CEP135: variants seen among roughly 807,000 people sequenced by gnomAD.
CEP135 encodes the protein centrosomal protein of 135 kDa.
CEP135 carries 142 observed loss-of-function variants against 157.3 expected under a neutral mutation model. That is an observed-to-expected ratio of 0.90 (90% CI 0.79 to 1.04). The LOEUF is 1.04. Among genes scored for constraint, CEP135 ranks in the 50% least tolerant of loss-of-function variants. The pLI, the probability that CEP135 is intolerant of heterozygous loss-of-function variation, is 0.00. For missense variants in CEP135, 1,317 were observed against 1,309.2 expected (o/e 1.01, Z -0.09); for synonymous variants, 396 against 439.8 (o/e 0.90, Z 1.25).
intron 24 of CEP135, among the ~76,000 whole-genome samples, chr4:56,021,024 G>T (rs1730957647): frequency 6.6e-6 from 1 of 152,146 alleles, no homozygotes; most frequent in Admixed American, 6.6e-5. Context: ...GAATAAAATT[G>T]TTTAATAATC....
At chr4:56,009,045 T>C (rs76556993) in intron 18 of CEP135, among the ~76,000 whole-genome samples, 5,187 of 152,286 alleles carry the variant, frequency 0.034, 338 homozygotes, top group Admixed American at 0.16. Flanking sequence ...ACTGCAGGCG[T>C]GTGCCACCAC....
In CEP135 at chr4:56,008,435, C is replaced by T. The variant is rs28472737; in HGVS notation, c.2336+53C>T. On this transcript the variant is annotated intron_variant, in intron 18 of 25. Coordinates refer to ENST00000257287, the MANE Select transcript of CEP135 (RefSeq NM_025009.5). The stretch of plus-strand genomic sequence containing the variant: ...CTTTTTAGGAGATTTTCAGTGAATA[C>T]AGCTTTATCTATTCAGTAGCATTGC... The T allele has an allele frequency of 2.7e-3, 3,689 of 1,367,348 alleles. 84 individuals carry two copies. The African/African-American group carries it at 0.047, about 18-fold the overall frequency. The allele number at this position is 1,367,348 out of a possible 1,614,324, so 84.7% of individuals were successfully genotyped here.
intron 14 of CEP135, among the ~76,000 whole-genome samples, chr4:55,990,497 T>C (rs2109699246): frequency 6.6e-6 from 1 of 152,296 alleles, no homozygotes. Flanking sequence ...TCCCTACACT[T>C]ATTTATTTAT....
At chr4:56,018,796 A>G (rs1022877390) in intron 22 of CEP135, among the ~76,000 whole-genome samples, 1 of 152,184 alleles carries the variant, frequency 6.6e-6, no homozygotes, top group Admixed American at 6.5e-5. Context: ...AGGATTGAAC[A>G]GTTCAGTGCT....
At position 56,023,651 on chromosome 4, in the gene CEP135, TATA is replaced by T. The variant is rs1258978236; in HGVS notation, c.3321-846_3321-844del. ...ATAGTAATATGTAATATATAATACA[TATA>T]ATATATAATATACTAATATAATATA... On this transcript the variant is annotated intron_variant, in intron 24 of 25. Coordinates refer to ENST00000257287, the MANE Select transcript of CEP135 (RefSeq NM_025009.5). Among the ~76,000 whole-genome samples, 85 of 143,780 alleles carry T rather than the reference TATA, an allele frequency of 5.9e-4. 1 individual carries two copies. Among genetic ancestry groups the T allele is most frequent in the African/African-American group, 2.0e-3 (81 of 39,580 alleles). 94.3% of individuals were successfully genotyped at this position (143,780 alleles called of 152,430 possible). A position where few individuals can be genotyped will look rare whatever the true frequency, so the allele number is the denominator to read the frequency against.
At chr4:55,990,638 A>G (rs1163232092) in intron 14 of CEP135, among the ~76,000 whole-genome samples, 2 of 151,916 alleles carry the variant, frequency 1.3e-5, no homozygotes, top group East Asian at 3.9e-4. Flanking sequence ...AGCTAGGACT[A>G]CAGGTATACC....
intron 10 of CEP135, among the ~76,000 whole-genome samples, chr4:55,972,655 G>A (rs1729065459): frequency 6.6e-6 from 1 of 152,296 alleles, no homozygotes; most frequent in African/African-American, 2.4e-5. Flanking sequence ...CCTATCTGTG[G>A]GGCTAATGAT....
At chr4:55,980,042 G>A (rs1350489624) in intron 11 of CEP135, 101 bp from the exon 12 acceptor site, 1 of 979,756 alleles carries the variant, frequency 1.0e-6, no homozygotes, top group Admixed American at 2.4e-5. Context: ...AGGCACTTGT[G>A]TTCTTTTTGT....
At chr4:55,974,713 ATTATT>A in intron 10 of CEP135, 28 bp from the exon 11 acceptor site, 1 of 1,502,026 alleles carries the variant, frequency 6.7e-7, no homozygotes, top group East Asian at 2.3e-5. Context: ...TGTATACAAC[ATTATT>A]TTAAGAGTTA....
chr4:55,992,502 T>A (rs1368303968), intron 15 of CEP135, among the ~76,000 whole-genome samples: 3 of 152,196 alleles, frequency 2.0e-5, no homozygotes, highest in African/African-American at 7.2e-5. Flanking sequence ...AGTCAAAGAA[T>A]TTACCTCCAA....
At chr4:55,964,461 A>C in intron 7 of CEP135, 59 bp downstream of exon 7, 2 of 1,350,578 alleles carry the variant, frequency 1.5e-6, no homozygotes, top group Non-Finnish European at 1.0e-6. Flanking sequence ...AATAAACACT[A>C]TATGTTTATA....
intron 9 of CEP135, among the ~76,000 whole-genome samples, chr4:55,970,028 C>T (rs879261478): frequency 1.2e-4 from 17 of 139,130 alleles, no homozygotes; most frequent in Admixed American, 3.8e-4. Context: ...CATGTGCCAC[C>T]GTGCCTAGCT....
intron 11 of CEP135, among the ~76,000 whole-genome samples, chr4:55,977,397 A>G (rs913381883): frequency 4.6e-5 from 7 of 152,160 alleles, no homozygotes; most frequent in Non-Finnish European, 7.4e-5. Context: ...GTGCTTTGCA[A>G]TTGGAGCCTA....
chr4:55,975,388 A>G (rs1729168107), intron 11 of CEP135, among the ~76,000 whole-genome samples: 1 of 152,220 alleles, frequency 6.6e-6, no homozygotes, highest in Non-Finnish European at 1.5e-5. Context: ...GGTGTGTCAC[A>G]TTCTACTGAC....
chr4:55,999,447 A>T, intron 16 of CEP135, 30 bp downstream of exon 16: 1 of 1,613,390 alleles, frequency 6.2e-7, no homozygotes, highest in Non-Finnish European at 8.5e-7. Flanking sequence ...GTTTCTGCTA[A>T]TCCTAATGTA....
In CEP135 at chr4:55,999,344, G is replaced by A; in HGVS notation, c.2052G>A (p.Gln684=). 1 of 1,614,148 alleles carries A rather than the reference G, an allele frequency of 6.2e-7. No individual in the cohort carries two copies. ...EQLQRSVDDY[Q]HRLSIKRGEL... ...TACAGCGGTCAGTTGATGACTATCA[G>A]CACCGACTTTCCATAAAAAGAGGTG... Residue 684 remains glutamine (Q), a synonymous_variant, in exon 16 of 26, where the codon CAG becomes CAA. Transcript: ENST00000257287.
Position 55,964,332 on chromosome 4 carries a change from C to T in CEP135, c.758C>T (p.Ser253Phe). ...RLSVALDGGRSPDVLSLESRN... is the reference protein window; with the variant it reads ...RLSVALDGGRFPDVLSLESRN... ...TCAGTTGCTTTGGATGGTGGTCGGT[C>T]CCCTGATGTCCTTTCTCTGGAGTCT... is the stretch of plus-strand genomic sequence containing the variant. The change falls in exon 7 of 26, where the codon TCC (serine) becomes TTC (phenylalanine). Residue 253 changes from serine (S) to phenylalanine (F), a missense_variant. Physicochemically the swap from Ser to Phe is radical, Grantham distance 155 (BLOSUM62 -2). Transcript: ENST00000257287. The T allele has an allele frequency of 6.2e-7, 1 of 1,613,140 alleles. No homozygotes were observed. The highest frequency in any genetic ancestry group is 8.5e-7 in the Non-Finnish European group (1 of 1,179,418).
At chr4:56,001,324 A>G (rs2109716477) in intron 17 of CEP135, among the ~76,000 whole-genome samples, 1 of 152,162 alleles carries the variant, frequency 6.6e-6, no homozygotes, top group African/African-American at 2.4e-5. Context: ...CACAGACAAT[A>G]TTTGTCCACA....
chr4:55,960,161 C>A (rs1291414833), intron 6 of CEP135: 3 of 249,330 alleles, frequency 1.2e-5, no homozygotes, highest in African/African-American at 4.4e-5. Context: ...AACCATATTA[C>A]CGTTTTCATC....
Sources: allele counts gnomAD v4.1 joint callset (sites outside exome capture counted in the v4.1 genomes callset), GRCh38; gene constraint gnomAD v4.1.1; transcripts MANE v1.5; gene names NCBI Gene and HGNC (gene_info 2026-07-23, HGNC 2026-07-21).